Variants in MID1 observed in about 807,000 individuals in gnomAD.
MID1 encodes the protein E3 ubiquitin-protein ligase Midline-1.
Under a neutral mutation model 40.4 loss-of-function variants are expected in MID1, and 7 were observed. The ratio of observed to expected loss-of-function variants is 0.17; its 90% CI spans 0.10 to 0.33. MID1 has a LOEUF of 0.33. Ranked by LOEUF, MID1 falls within the 10% of genes least tolerant of loss-of-function variation. MID1 has a pLI of 1.00. For missense variants in MID1, 367 were observed against 558.5 expected (o/e 0.66, Z 3.46); for synonymous variants, 229 against 221.2 (o/e 1.04, Z -0.31).
chrX:10,622,918 A>T (rs1460848894), upstream of MID1, among the ~76,000 whole-genome samples: 1 of 110,502 alleles, frequency 9.0e-6, no homozygotes, highest in Non-Finnish European at 1.9e-5. Flanking sequence ...CCTTTGGAGA[A>T]TGTTCATTGA....
chrX:10,807,255 A>AT (rs1482598032), intron 1 of MID1, among the ~76,000 whole-genome samples: 1 of 111,476 alleles, frequency 9.0e-6, no homozygotes, highest in East Asian at 2.8e-4. Context: ...AAAAAAAAAA[A>AT]ATTAGTTCTG....
At chrX:10,669,515 C>T (rs2042975010) in intron 1 of MID1, among the ~76,000 whole-genome samples, 1 of 112,065 alleles carries the variant, frequency 8.9e-6, no homozygotes, top group Non-Finnish European at 1.9e-5. Context: ...GGGTCAGATA[C>T]TCTGGTATAA....
intron 1 of MID1, among the ~76,000 whole-genome samples, chrX:10,704,739 TACACACAC>T: frequency 1.2e-5 from 1 of 82,184 alleles, no homozygotes; most frequent in East Asian, 3.5e-4. Context: ...TATATATATA[TACACACAC>T]ACACACACAC....
intron 1 of MID1, among the ~76,000 whole-genome samples, chrX:10,656,765 T>TAA (rs1177435255): frequency 4.4e-4 from 46 of 104,789 alleles, no homozygotes; most frequent in Middle Eastern, 5.0e-3. Context: ...TGATTTTTTT[T>TAA]AAAAAAAAAA....
chrX:10,468,851 G>C (rs894678399), intron 7 of MID1, among the ~76,000 whole-genome samples: 5 of 111,784 alleles, frequency 4.5e-5, no homozygotes, highest in African/African-American at 1.6e-4. Flanking sequence ...CTCTGAATGG[G>C]ACCAGGTATT....
At chrX:10,616,517 C>T (rs1052339738) in intron 1 of MID1, among the ~76,000 whole-genome samples, 15 of 111,968 alleles carry the variant, frequency 1.3e-4, no homozygotes, top group African/African-American at 4.9e-4. Context: ...CAACGCACAG[C>T]CCAGGTTGCC....
intron 2 of MID1, among the ~76,000 whole-genome samples, chrX:10,528,399 T>G (rs769112046): frequency 6.7e-4 from 75 of 112,065 alleles, no homozygotes; most frequent in African/African-American, 2.2e-3. Context: ...TTTCAAACAC[T>G]TGGGAGCTAC....
At chrX:10,809,634 T>C (rs1482777997) in intron 1 of MID1, among the ~76,000 whole-genome samples, 3 of 110,773 alleles carry the variant, frequency 2.7e-5, no homozygotes, top group African/African-American at 9.9e-5. Context: ...TGTAGGGACA[T>C]GGATGAAGCT....
At chrX:10,588,999 G>C (rs1472413525) in intron 1 of MID1, among the ~76,000 whole-genome samples, 3 of 111,106 alleles carry the variant, frequency 2.7e-5, no homozygotes, top group Non-Finnish European at 5.7e-5. Context: ...TTCCTAGTAG[G>C]GTGGGCTTAT....
At chrX:10,559,882 G>GTT (rs372238140) in intron 2 of MID1, among the ~76,000 whole-genome samples, 3 of 99,719 alleles carry the variant, frequency 3.0e-5, no homozygotes, top group East Asian at 3.1e-4. Context: ...TTCATTGTGG[G>GTT]TTTTTTTTTT....
chrX:10,718,114 C>A (rs1484426157), intron 1 of MID1, among the ~76,000 whole-genome samples: 1 of 111,558 alleles, frequency 9.0e-6, no homozygotes, highest in Non-Finnish European at 1.9e-5. Context: ...AAAATTGACA[C>A]CCTAACATCA....
intron 2 of MID1, among the ~76,000 whole-genome samples, chrX:10,527,287 A>C (rs1385296847): frequency 9.0e-6 from 1 of 111,597 alleles, no homozygotes; most frequent in Non-Finnish European, 1.9e-5. Flanking sequence ...GGAGTCAGTG[A>C]CCACATATGA....
At chrX:10,673,839 T>A (rs181558509) in intron 1 of MID1, among the ~76,000 whole-genome samples, 1 of 111,372 alleles carries the variant, frequency 9.0e-6, no homozygotes, top group East Asian at 2.8e-4. Context: ...CAATAATACC[T>A]ATTTTGCAGT....
chrX:10,567,392 G>A lies in MID1; in HGVS notation c.156C>T (p.Thr52=), dbSNP rs1168763506. The A allele has an allele frequency of 1.7e-6, 2 of 1,205,233 alleles. No homozygotes were observed. Among genetic ancestry groups the A allele is most frequent in the East Asian group, 3.0e-5 (1 of 33,718 alleles). The change falls in exon 2 of 10, where the codon ACC becomes ACT. Residue 52 remains threonine, a synonymous_variant. Transcript: ENST00000317552. ...GCCGGCAGGTGGGGCACTGGAAGGC[G>A]GTGATGGACTCCACAGACTCGTTGG... ...CATNESVESI[T]AFQCPTCRHV...
intron 1 of MID1, among the ~76,000 whole-genome samples, chrX:10,754,323 G>GTTTT (rs59162348): frequency 4.0e-4 from 43 of 106,202 alleles, no homozygotes; most frequent in African/African-American, 1.5e-3. Flanking sequence ...TTTGTTTTTT[G>GTTTT]TTTTTTTTGT....
At chrX:10,798,377 G>C (rs1300972504) in intron 1 of MID1, among the ~76,000 whole-genome samples, 1 of 111,861 alleles carries the variant, frequency 8.9e-6, no homozygotes, top group African/African-American at 3.2e-5. Flanking sequence ...TCTGGCAACT[G>C]CGTCTGGCAT....
At chrX:10,680,406 C>A (rs2043051001) in intron 1 of MID1, among the ~76,000 whole-genome samples, 2 of 111,694 alleles carry the variant, frequency 1.8e-5, no homozygotes, top group African/African-American at 6.5e-5. Context: ...AGACTTTCAC[C>A]CTCAAAATTC....
rs182927604 is a variant in MID1 at position 10,771,969 on chromosome X, T to C, written c.-187+61585A>G. On this transcript the variant is annotated intron_variant, in intron 1 of 10. Coordinates refer to the MID1 transcript ENST00000380785. ...TAAAGAACTAAAAGTAGAACTACCATTTGATCCAGCAATCCCACTGCTGGG... is the reference window on the plus strand; with the variant it reads ...TAAAGAACTAAAAGTAGAACTACCACTTGATCCAGCAATCCCACTGCTGGG... 5.8e-3 allele frequency among the ~76,000 whole-genome samples: 643 copies of C among 110,971 alleles called. 4 individuals carry two copies. Among genetic ancestry groups the C allele is most frequent in the African/African-American group, 0.02 (606 of 30,562 alleles).
chrX:10,704,739 T>TATATATATATATACACAC (rs1233692170), intron 1 of MID1, among the ~76,000 whole-genome samples: 2 of 82,207 alleles, frequency 2.4e-5, no homozygotes, highest in African/African-American at 1.1e-4. Flanking sequence ...TATATATATA[T>TATATATATATATACACAC]ACACACACAC....
Sources: gnomAD v4.1 joint callset for allele counts (sites outside exome capture counted in the v4.1 genomes callset) on GRCh38, gnomAD v4.1.1 for gene constraint, MANE v1.5 for transcripts, NCBI Gene and HGNC (gene_info 2026-07-23, HGNC 2026-07-21) for gene names.